The following PSD2 variants were observed in gnomAD, a reference collection of about 807,000 sequenced individuals.
The protein encoded by PSD2 is PH and SEC7 domain-containing protein 2.
In PSD2, 38 loss-of-function variants were observed where a neutral mutation model predicts 69.8. The ratio of observed to expected loss-of-function variants is 0.54; its 90% CI spans 0.42 to 0.71. PSD2 has a LOEUF of 0.71. Among genes scored for constraint, PSD2 ranks in the 30% least tolerant of loss-of-function variants. The probability of loss-of-function intolerance (pLI) is 0.00; values close to 1 mark genes in which losing one functional copy is unlikely to be tolerated. For synonymous variants in PSD2, 412 were observed against 423.0 expected (o/e 0.97, Z 0.32); for missense variants, 943 against 1,014.5 (o/e 0.93, Z 0.96).
At chr5:139,832,091 T>C (rs1187450475) in intron 7 of PSD2, among the ~76,000 whole-genome samples, 2 of 152,186 alleles carry the variant, frequency 1.3e-5, no homozygotes, top group African/African-American at 4.8e-5. Flanking sequence ...TTGTAAAGCC[T>C]CCAATGCTGC....
At chr5:139,755,673 G>T in the PSD2 span, among the ~76,000 whole-genome samples, 1 of 151,124 alleles carries the variant, frequency 6.6e-6, no homozygotes, top group African/African-American at 2.4e-5. Flanking sequence ...GTGTGCGCGC[G>T]CATGAGGCTC....
At chr5:139,744,628 C>T in the PSD2 span, among the ~76,000 whole-genome samples, 9 of 152,276 alleles carry the variant, frequency 5.9e-5, no homozygotes, top group South Asian at 1.9e-3. Flanking sequence ...AAGGCTCTCA[C>T]ACCCTCCCCA....
At chr5:139,767,053 C>T in the PSD2 span, among the ~76,000 whole-genome samples, 3 of 149,948 alleles carry the variant, frequency 2.0e-5, no homozygotes, top group Non-Finnish European at 4.4e-5. Context: ...AGTGCAGTGG[C>T]ACAATCTCGG....
At chr5:139,811,110 A>T (rs1043212575) in intron 2 of PSD2, among the ~76,000 whole-genome samples, 6 of 152,266 alleles carry the variant, frequency 3.9e-5, no homozygotes, top group South Asian at 4.1e-4. Context: ...CCTGGTGGCC[A>T]GGGCAACGAA....
intron 6 of PSD2, 48 bp from the exon 7 acceptor site, chr5:139,822,678 G>A: frequency 6.5e-7 from 1 of 1,537,030 alleles, no homozygotes; most frequent in Non-Finnish European, 8.9e-7. Flanking sequence ...ACAGGGAGTG[G>A]GAAGAGGTTG....
the PSD2 span, among the ~76,000 whole-genome samples, chr5:139,762,883 G>A: frequency 6.6e-5 from 10 of 152,248 alleles, no homozygotes; most frequent in South Asian, 2.1e-4. Context: ...GATGGCCTGG[G>A]GGGAGAGCAG....
At chr5:139,840,831 T>G (rs1760854739) in intron 14 of PSD2, among the ~76,000 whole-genome samples, 1 of 152,158 alleles carries the variant, frequency 6.6e-6, no homozygotes, top group Admixed American at 6.5e-5. Context: ...GGATTACAGG[T>G]GTGAGCCACC....
chr5:139,805,859 G>A (rs1759792438), intron 1 of PSD2, among the ~76,000 whole-genome samples: 1 of 152,164 alleles, frequency 6.6e-6, no homozygotes, highest in Admixed American at 6.5e-5. Context: ...AGGCCATGCT[G>A]GGGAGACTGG....
rs747088297 is a variant in PSD2, at chr5:139,822,805, G to C, written c.1269+21G>C. On this transcript the variant is annotated intron_variant, in intron 7 of 14. Transcript: ENST00000274710. ...GCCACGTGAGTTGGGGAGGTGACGG[G>C]GGGTGTCGCATGTCCTCTCAGGGAC... 5 of 1,598,928 alleles carry C rather than the reference G, an allele frequency of 3.1e-6. No individual in the cohort carries two copies. The African/African-American group carries it at 6.7e-5, about 22-fold the overall frequency.
chr5:139,786,234 A>C, the PSD2 span, among the ~76,000 whole-genome samples: 13 of 152,016 alleles, frequency 8.6e-5, no homozygotes, highest in African/African-American at 3.1e-4. Context: ...AAAATTCAAA[A>C]ATTAGCCAGG....
chr5:139,823,515 T>C (rs1452144912), intron 7 of PSD2, among the ~76,000 whole-genome samples: 1 of 152,062 alleles, frequency 6.6e-6, no homozygotes, highest in Non-Finnish European at 1.5e-5. Flanking sequence ...AACCAGGAAA[T>C]CCAGGGCATA....
chr5:139,833,626 C>G, intron 7 of PSD2, 76 bp from the exon 8 acceptor site: 1 of 1,000,962 alleles, frequency 1.0e-6, no homozygotes, highest in Non-Finnish European at 1.6e-6. Flanking sequence ...ATCCCTCTGG[C>G]TGGGCAGGGC....
At chr5:139,754,935 G>A in the PSD2 span, among the ~76,000 whole-genome samples, 2 of 152,202 alleles carry the variant, frequency 1.3e-5, no homozygotes, top group African/African-American at 4.8e-5. Flanking sequence ...TGGGAGCCAA[G>A]GTGTGTATGT....
chr5:139,772,167 G>A, the PSD2 span, among the ~76,000 whole-genome samples: 3 of 152,094 alleles, frequency 2.0e-5, no homozygotes, highest in Non-Finnish European at 4.4e-5. Flanking sequence ...TGGGTGGGAG[G>A]AAAAAGCGTC....
chr5:139,807,863 G>T (rs935522107), intron 1 of PSD2, among the ~76,000 whole-genome samples: 1 of 152,172 alleles, frequency 6.6e-6, no homozygotes, highest in Non-Finnish European at 1.5e-5. Context: ...CACTTGCCTC[G>T]TTATAAGAAT....
At position 139,817,564 on chromosome 5, in the gene PSD2, C is replaced by T. The variant is rs1212681031; in HGVS notation, c.1097+3C>T. On this transcript the variant is annotated splice_donor_region_variant and intron_variant, in intron 5 of 14. Transcript: ENST00000274710. ...TTGACTCTGGACGGAGCACTCAGGTCAGTGGGGCTGGGACAGGCAGTGCCC... is the reference window on the plus strand; with the variant it reads ...TTGACTCTGGACGGAGCACTCAGGTTAGTGGGGCTGGGACAGGCAGTGCCC... 5.6e-6 allele frequency: 9 copies of T among 1,612,864 alleles called. No homozygotes were observed. The highest frequency in any genetic ancestry group is 7.6e-6 in the Non-Finnish European group (9 of 1,178,864).
rs1371740870 is a variant in PSD2 at position 139,839,470 on chromosome 5, A to G, written c.1969-557A>G. 6.6e-6 allele frequency among the ~76,000 whole-genome samples: 1 copy of G among 152,236 alleles called. No individual in the cohort carries two copies. Among genetic ancestry groups the G allele is most frequent in the Non-Finnish European group, 1.5e-5 (1 of 68,042 alleles). On this transcript the variant is annotated intron_variant, in intron 13 of 14. Coordinates refer to ENST00000274710, the MANE Select transcript of PSD2 (RefSeq NM_032289.4). The surrounding 1 kb of genome is among the most constrained non-coding windows in gnomAD (Gnocchi z 5.1). ...CTCATACACACATGCATGCATGTGC[A>G]CACAGCACCAGGGGGCCTGGCTGGC...
the PSD2 span, among the ~76,000 whole-genome samples, chr5:139,760,048 C>G: frequency 6.6e-6 from 1 of 152,270 alleles, no homozygotes; most frequent in Non-Finnish European, 1.5e-5. Context: ...TTGTAGCCCA[C>G]TGTCCAGAAT....
chr5:139,814,244 G>C lies in PSD2; in HGVS notation c.896G>C (p.Ser299Thr). 1 of 1,613,924 alleles carries C rather than the reference G, an allele frequency of 6.2e-7. No homozygotes were observed. Among genetic ancestry groups the C allele is most frequent in the Non-Finnish European group, 8.5e-7 (1 of 1,179,894 alleles). ...AGCTCGGAGGGGTTGGAGCCTGGTA[G>C]TGCAGACCCTCTGGCCAACGGGTGC... The part of the protein sequence containing the change: ...LSSSEGLEPG[S>T]ADPLANGCQG... The change falls in exon 4 of 15, where the codon AGT (serine) becomes ACT (threonine). Residue 299 changes from serine (S) to threonine (T), a missense_variant. Around this residue, in one of 3 missense-constraint regions of PSD2, gnomAD observed 466 missense variants for 445.0 expected, o/e 1.05. Coordinates refer to ENST00000274710, the MANE Select transcript of PSD2 (RefSeq NM_032289.4). This position sits in a 1 kb window ranked among gnomAD's most constrained non-coding sequence, Gnocchi z 4.4.
Sources: allele counts gnomAD v4.1 joint callset (sites outside exome capture counted in the v4.1 genomes callset), GRCh38; gene constraint gnomAD v4.1.1; regional missense constraint gnomAD v4.1.1; non-coding constraint Gnocchi (gnomAD v3.1); transcripts MANE v1.5; gene names NCBI Gene and HGNC (gene_info 2026-07-23, HGNC 2026-07-21).